Variants in GPATCH3 observed in about 807,000 individuals in gnomAD.
GPATCH3 encodes G patch domain-containing protein 3.
A neutral mutation model predicts 53.2 loss-of-function variants in GPATCH3; 45 were observed. The ratio of observed to expected loss-of-function variants is 0.85; its 90% CI spans 0.67 to 1.08. GPATCH3 has a LOEUF of 1.08. Ranked by LOEUF, GPATCH3 falls within the 50% of genes least tolerant of loss-of-function variation. The pLI is 0.00. For synonymous variants in GPATCH3, 280 were observed against 270.6 expected, an observed-to-expected ratio of 1.03 and a Z score of -0.34; for missense variants, 680 against 687.2, an observed-to-expected ratio of 0.99 and a Z score of 0.12.
rs2081958231 is a variant in GPATCH3 at position 26,897,843 on chromosome 1, T to C, written c.452-118A>G. 3.6e-6 allele frequency: 3 copies of C among 842,432 alleles called. No individual in the cohort carries two copies. The Admixed American group carries it at 8.8e-5, about 25-fold the overall frequency. 52.2% of individuals were successfully genotyped at this position (842,432 alleles called of 1,614,324 possible). ...CCCTAGTAAACATCTAGTAAATCCC[T>C]AGTAAAAATCTAGGCCGACACAGTG... On this transcript the variant is annotated intron_variant, in intron 1 of 6. Transcript: ENST00000361720.
At position 26,890,534 on chromosome 1, in the gene GPATCH3, C is replaced by A; in HGVS notation, c.*476G>T. The A allele has an allele frequency of 3.3e-6, 1 of 300,284 alleles. No homozygotes were observed. The highest frequency in any genetic ancestry group is 4.8e-5 in the Admixed American group (1 of 20,874). The allele number at this position is 300,284 out of a possible 1,614,324, so 18.6% of individuals were successfully genotyped here. ...TCTTCCGTGACGTCGCACACCCAAG[C>A]CACCTCCCGCGGACTCTCCGCTGGC... On this transcript the variant is annotated 3_prime_UTR_variant, in exon 7 of 7. Coordinates refer to ENST00000361720, the MANE Select transcript of GPATCH3 (RefSeq NM_022078.3).
At position 26,890,982 on chromosome 1, in the gene GPATCH3, T is replaced by C; in HGVS notation, c.*28A>G. ...GCCAGGGCAGAGGGTTTTCATCATG[T>C]AGCTATGAAAGGAAGCCCCCAACCC... is the stretch of plus-strand genomic sequence containing the variant. On this transcript the variant is annotated 3_prime_UTR_variant, in exon 7 of 7. Transcript: ENST00000361720. The C allele has an allele frequency of 1.3e-6, 2 of 1,588,150 alleles. No individual in the cohort carries two copies. The highest frequency in any genetic ancestry group is 1.7e-6 in the Non-Finnish European group (2 of 1,156,784).
At chr1:26,894,951 A>G (rs1240292232) in intron 2 of GPATCH3, among the ~76,000 whole-genome samples, 1 of 152,154 alleles carries the variant, frequency 6.6e-6, no homozygotes, top group Non-Finnish European at 1.5e-5. Context: ...CATTCTACAG[A>G]TGACAAAACC....
rs1157844087 is a variant in GPATCH3 at position 26,900,227 on chromosome 1, G to T, written c.216C>A (p.Ala72=). ...PNSALIPTDP[A]AEGQLLSQTS... Reference sequence around the variant, plus strand: ...TCTGAGAGAGAAGCTGGCCCTCAGCGGCTGGGTCGGTAGGAATTAGGGCAG... The same window carrying T: ...TCTGAGAGAGAAGCTGGCCCTCAGCTGCTGGGTCGGTAGGAATTAGGGCAG... Residue 72 remains alanine (A), a synonymous_variant, in exon 1 of 7, where the codon GCC becomes GCA. Transcript: ENST00000361720. 6.2e-7 allele frequency: 1 copy of T among 1,614,178 alleles called. No homozygotes were observed. Among genetic ancestry groups the T allele is most frequent in the Non-Finnish European group, 8.5e-7 (1 of 1,180,038 alleles).
intron 1 of GPATCH3, among the ~76,000 whole-genome samples, chr1:26,898,451 G>A (rs536190713): frequency 6.6e-6 from 1 of 152,170 alleles, no homozygotes; most frequent in South Asian, 2.1e-4. Flanking sequence ...CCAAGTAGCT[G>A]GGATTACAGG....
Position 26,891,052 on chromosome 1 carries a change from C to G in GPATCH3, c.1536G>C (p.Arg512Ser). ...MKFRTDMAFVRGSSCASDSPS... is the reference protein window; with the variant it reads ...MKFRTDMAFVSGSSCASDSPS... ...GGCTGTCTGAAGCACAACTGGAACCCCTCACAAAGGCCATGTCTGTCCGAA... is the reference window on the plus strand; with the variant it reads ...GGCTGTCTGAAGCACAACTGGAACCGCTCACAAAGGCCATGTCTGTCCGAA... The change falls in exon 7 of 7, where the codon AGG becomes AGC. Residue 512 changes from arginine (R) to serine (S), a missense_variant. Arg to Ser is a moderately radical substitution (Grantham distance 110, BLOSUM62 -1). Coordinates refer to ENST00000361720, the MANE Select transcript of GPATCH3 (RefSeq NM_022078.3). 5 of 1,614,122 alleles carry G rather than the reference C, an allele frequency of 3.1e-6. No homozygotes were observed. The highest frequency in any genetic ancestry group is 4.2e-6 in the Non-Finnish European group (5 of 1,180,026).
At chr1:26,898,612 T>C (rs1383471686) in intron 1 of GPATCH3, among the ~76,000 whole-genome samples, 1 of 152,046 alleles carries the variant, frequency 6.6e-6, no homozygotes, top group East Asian at 1.9e-4. Context: ...CCTGCATGTC[T>C]TCATACGATG....
At chr1:26,898,050 T>C (rs186555461) in intron 1 of GPATCH3, among the ~76,000 whole-genome samples, 44 of 152,218 alleles carry the variant, frequency 2.9e-4, no homozygotes, top group African/African-American at 1.0e-3. Flanking sequence ...AGCAGGAGGA[T>C]TGCTTGAGCC....
chr1:26,890,674 G>A lies in GPATCH3; in HGVS notation c.*336C>T. 2.2e-6 allele frequency: 1 copy of A among 457,628 alleles called. No individual in the cohort carries two copies. Among genetic ancestry groups the A allele is most frequent in the South Asian group, 1.9e-5 (1 of 52,624 alleles). The allele number at this position is 457,628 out of a possible 1,614,324, so 28.3% of individuals were successfully genotyped here. ...TTTCCCCCTTTCTGGCCTTCGTGGG[G>A]ACACCTTCAGAGTCCCCAAGGAAGG... On this transcript the variant is annotated 3_prime_UTR_variant, in exon 7 of 7. Coordinates refer to ENST00000361720, the MANE Select transcript of GPATCH3 (RefSeq NM_022078.3).
At chr1:26,894,610 C>T (rs2124021780) in intron 2 of GPATCH3, among the ~76,000 whole-genome samples, 200 bp from the exon 3 acceptor site, 1 of 152,156 alleles carries the variant, frequency 6.6e-6, no homozygotes, top group East Asian at 1.9e-4. Flanking sequence ...TCCCCACAAG[C>T]CTGACTCACC....
At chr1:26,894,626 G>C (rs998159480) in intron 2 of GPATCH3, among the ~76,000 whole-genome samples, 1 of 151,968 alleles carries the variant, frequency 6.6e-6, no homozygotes, top group African/African-American at 2.4e-5. Flanking sequence ...TCACCTCTGC[G>C]CGTTTGGCCA....
chr1:26,896,294 T>C (rs143497486), intron 2 of GPATCH3, among the ~76,000 whole-genome samples: 96 of 152,154 alleles, frequency 6.3e-4, no homozygotes, highest in Admixed American at 1.6e-3. Flanking sequence ...GAACTCTCCT[T>C]ATCTGGTCTT....
rs762312132 is a variant in GPATCH3, at chr1:26,890,889, C to G, written c.*121G>C. ...AACCGGCAGGCAGGCAGGCTCGGAA[C>G]AAAACACCCTGAACCAGCCACGAAG... On this transcript the variant is annotated 3_prime_UTR_variant, in exon 7 of 7. Coordinates refer to ENST00000361720, the MANE Select transcript of GPATCH3 (RefSeq NM_022078.3). The G allele has an allele frequency of 2.0e-6, 2 of 993,606 alleles. No homozygotes were observed. The highest frequency in any genetic ancestry group is 3.2e-6 in the Non-Finnish European group (2 of 615,478). The allele number at this position is 993,606 out of a possible 1,614,324, so 61.5% of individuals were successfully genotyped here. A position where few individuals can be genotyped will look rare whatever the true frequency, so the allele number is the denominator to read the frequency against.
chr1:26,894,390 T>C lies in GPATCH3; in HGVS notation c.897A>G (p.Glu299=). The C allele has an allele frequency of 6.2e-7, 1 of 1,613,888 alleles. No homozygotes were observed. Among genetic ancestry groups the C allele is most frequent in the Non-Finnish European group, 8.5e-7 (1 of 1,179,928 alleles). Residue 299 remains glutamate, a synonymous_variant, in exon 3 of 7, where the codon GAA becomes GAG. Transcript: ENST00000361720. ...CATGCAGCGCTTCATGCCGTTCCCA[T>C]TCCTCACCCCGGTCATCGTCCTAAA... The part of the protein sequence containing the change: ...HSDEDDDRGE[E]WERHEALHED...
Position 26,892,781 on chromosome 1 carries a change from G to A in GPATCH3, c.1122C>T (p.Asp374=). 6.2e-7 allele frequency: 1 copy of A among 1,613,970 alleles called. No individual in the cohort carries two copies. The highest frequency in any genetic ancestry group is 8.5e-7 in the Non-Finnish European group (1 of 1,179,868). ...TTTGGACAGAGTCTCGGGCATCCTTGTCTCCACCATCTGAGGAAACAGAGC... is the reference window on the plus strand; with the variant it reads ...TTTGGACAGAGTCTCGGGCATCCTTATCTCCACCATCTGAGGAAACAGAGC... ...MSVYYDRDGG[D]KDARDSVQMR... The change falls in exon 5 of 7, where the codon GAC becomes GAT. Residue 374 remains aspartate, a synonymous_variant. Coordinates refer to ENST00000361720, the MANE Select transcript of GPATCH3 (RefSeq NM_022078.3).
At chr1:26,891,536 A>G (rs2081925855) in intron 6 of GPATCH3, among the ~76,000 whole-genome samples, 1 of 138,836 alleles carries the variant, frequency 7.2e-6, no homozygotes, top group Admixed American at 7.0e-5. Context: ...AAAAAAAGTC[A>G]GATTTACTTT....
In GPATCH3 at chr1:26,894,302, A is replaced by G. The variant is rs1371926082; in HGVS notation, c.985T>C (p.Trp329Arg). The change falls in exon 3 of 7, where the codon TGG becomes CGG. Residue 329 changes from tryptophan (W) to arginine (R), a missense_variant. Coordinates refer to ENST00000361720, the MANE Select transcript of GPATCH3 (RefSeq NM_022078.3). ...ACCAGGCCAGAGCCACCCTTCTCCCACTTGAGCTCAATCTCCTCCTCAAAG... is the reference window on the plus strand; with the variant it reads ...ACCAGGCCAGAGCCACCCTTCTCCCGCTTGAGCTCAATCTCCTCCTCAAAG... ...QLFEEEIELK[W>R]EKGGSGLVFY... 6.2e-7 allele frequency: 1 copy of G among 1,613,898 alleles called. No individual in the cohort carries two copies. Among genetic ancestry groups the G allele is most frequent in the East Asian group, 2.2e-5 (1 of 44,870 alleles).
rs868618503 is a variant in GPATCH3, at chr1:26,891,144, CAT to C, written c.1442_1443del (p.Tyr481Ter). 3 of 1,613,980 alleles carry C rather than the reference CAT, an allele frequency of 1.9e-6. No individual in the cohort carries two copies. The African/African-American group carries it at 4.0e-5, about 22-fold the overall frequency. ...GTCTGGTCTTGGGGTAGAGGCTCATCATAGATGGTGGAGATGAGCCCCAAGCC... is the reference window on the plus strand; with the variant it reads ...GTCTGGTCTTGGGGTAGAGGCTCATCAGATGGTGGAGATGAGCCCCAAGCC... ...RNGLGLISTIYDEPLPQDQTE... is the reference protein window; with the variant it reads ...RNGLGLISTIXDEPLPQDQTE... On this transcript the variant is annotated frameshift_variant, in exon 7 of 7. Transcript: ENST00000361720. LOFTEE classifies it high-confidence loss of function.
At position 26,892,534 on chromosome 1, in the gene GPATCH3, A is replaced by T; in HGVS notation, c.1238T>A (p.Ile413Asn). The change falls in exon 6 of 7, where the codon ATT (isoleucine) becomes AAT (asparagine). Residue 413 changes from isoleucine (I) to asparagine (N), a missense_variant. Transcript: ENST00000361720. ...CTGCCGCTCCATCACCTTCCGCCCA[A>T]TGCCCTGCAGAGTGAAGGGACAAGA... is the stretch of plus-strand genomic sequence containing the variant. The part of the protein sequence containing the change: ...VGTFERHTKG[I>N]GRKVMERQGW... 1 of 1,612,194 alleles carries T rather than the reference A, an allele frequency of 6.2e-7. No homozygotes were observed. Among genetic ancestry groups the T allele is most frequent in the Non-Finnish European group, 8.5e-7 (1 of 1,178,404 alleles).
Sources: allele counts gnomAD v4.1 joint callset (sites outside exome capture counted in the v4.1 genomes callset), GRCh38; gene constraint gnomAD v4.1.1; transcripts MANE v1.5; gene names NCBI Gene and HGNC (gene_info 2026-07-23, HGNC 2026-07-21).